Variants in DNAH8 observed in about 807,000 individuals in gnomAD.
DNAH8 encodes the protein axonemal beta dynein heavy chain 8.
In DNAH8, 382 loss-of-function variants were observed where a neutral mutation model predicts 562.1. The observed-to-expected ratio is 0.68, with a 90% CI of 0.63 to 0.74. DNAH8 has a LOEUF of 0.74. DNAH8 is among the 30% of genes least tolerant of loss of function. The pLI, the probability that DNAH8 is intolerant of heterozygous loss-of-function variation, is 0.00. For synonymous variants in DNAH8, 1,881 were observed against 1,919.4 expected (o/e 0.98, Z 0.52); for missense variants, 5,203 against 5,620.4 (o/e 0.93, Z 2.37).
chr6:39,030,650 T>A lies in DNAH8; in HGVS notation c.*258T>A, dbSNP rs1045835867. 7.7e-6 allele frequency: 3 copies of A among 390,822 alleles called. No homozygotes were observed. Among genetic ancestry groups the A allele is most frequent in the African/African-American group, 6.2e-5 (3 of 48,674 alleles). 24.2% of individuals were successfully genotyped at this position (390,822 alleles called of 1,614,324 possible). The stretch of plus-strand genomic sequence containing the variant: ...TTACTTTTTAAAGATAAAACCCTGT[T>A]TGGATGTTAGAACACTTTGGAAGCT... On this transcript the variant is annotated 3_prime_UTR_variant, in exon 93 of 93. Coordinates refer to ENST00000327475, the MANE Select transcript of DNAH8 (RefSeq NM_001206927.2).
intron 9 of DNAH8, among the ~76,000 whole-genome samples, chr6:38,752,973 G>A (rs1051132978): frequency 6.6e-6 from 1 of 152,032 alleles, no homozygotes; most frequent in African/African-American, 2.4e-5. Flanking sequence ...TACATGTGCA[G>A]GTTTGTTACA....
At chr6:38,791,266 C>A (rs950447930) in intron 20 of DNAH8, among the ~76,000 whole-genome samples, 1 of 152,160 alleles carries the variant, frequency 6.6e-6, no homozygotes, top group African/African-American at 2.4e-5. Context: ...GCCTTGGTGT[C>A]TTTAGTTGTA....
intron 76 of DNAH8, among the ~76,000 whole-genome samples, chr6:38,933,129 T>C (rs1291658722): frequency 6.6e-6 from 1 of 152,196 alleles, no homozygotes; most frequent in Non-Finnish European, 1.5e-5. Flanking sequence ...AGTTAGTCCC[T>C]TGTGGTCTAA....
rs1463546989 is a variant in DNAH8 at position 38,822,798 on chromosome 6, A to G, written c.3524-40A>G. The G allele has an allele frequency of 1.3e-5, 17 of 1,356,596 alleles. No homozygotes were observed. In the East Asian group the frequency reaches 4.0e-4, roughly 32 times the overall value. 84.0% of individuals were successfully genotyped at this position (1,356,596 alleles called of 1,614,324 possible). On this transcript the variant is annotated intron_variant, in intron 26 of 92. Coordinates refer to ENST00000327475, the MANE Select transcript of DNAH8 (RefSeq NM_001206927.2). The stretch of plus-strand genomic sequence containing the variant: ...TAAAACTGATAATATTTAAAGTTGA[A>G]TATAGAAGTTATTTATAGTGTAAAA...
intron 31 of DNAH8, among the ~76,000 whole-genome samples, 165 bp from the exon 32 acceptor site, chr6:38,834,414 A>G (rs1339670034): frequency 1.3e-5 from 2 of 152,184 alleles, no homozygotes; most frequent in African/African-American, 2.4e-5. Context: ...ATTCCATCTC[A>G]ATAAAGCTGT....
chr6:38,867,231 A>ATGTG (rs70981595), intron 47 of DNAH8, among the ~76,000 whole-genome samples: 17,856 of 148,292 alleles, frequency 0.12, 1,329 homozygotes, highest in Non-Finnish European at 0.17. Context: ...GTGTGTGTAT[A>ATGTG]TGTGTGTGTG....
At chr6:38,916,317 C>G (rs1488397918) in intron 68 of DNAH8, among the ~76,000 whole-genome samples, 1 of 152,120 alleles carries the variant, frequency 6.6e-6, no homozygotes, top group African/African-American at 2.4e-5. Context: ...CTTTCATTGC[C>G]TAATTAGAGT....
chr6:38,862,493 AT>A (rs1776711768), intron 44 of DNAH8, 35 bp downstream of exon 44: 1 of 1,563,208 alleles, frequency 6.4e-7, no homozygotes, highest in Non-Finnish European at 8.7e-7. Context: ...TTTTAGGTGA[AT>A]TTATTTTTAT....
chr6:38,990,909 CT>C (rs1466932625), intron 88 of DNAH8, among the ~76,000 whole-genome samples: 2 of 152,218 alleles, frequency 1.3e-5, no homozygotes, highest in African/African-American at 4.8e-5. Flanking sequence ...CTGCAGCCCC[CT>C]GATGAAAAGT....
chr6:38,813,891 T>TGCAATTTTCTG (rs893215972), intron 24 of DNAH8, among the ~76,000 whole-genome samples, 163 bp from the exon 25 acceptor site: 1 of 152,210 alleles, frequency 6.6e-6, no homozygotes, highest in Non-Finnish European at 1.5e-5. Context: ...TTGTATTTTC[T>TGCAATTTTCTG]TAGTTCTCTG....
intron 79 of DNAH8, among the ~76,000 whole-genome samples, chr6:38,941,774 A>G (rs1783482647): frequency 6.6e-6 from 1 of 152,172 alleles, no homozygotes; most frequent in South Asian, 2.1e-4. Flanking sequence ...GGGGGCATTG[A>G]AGCGTGCTGA....
chr6:38,719,462 C>T (rs899522627), intron 1 of DNAH8, among the ~76,000 whole-genome samples: 6 of 152,070 alleles, frequency 3.9e-5, no homozygotes, highest in Admixed American at 3.9e-4. Flanking sequence ...TTAGTCCCTA[C>T]TTATAAGTGT....
At chr6:38,923,353 A>G in intron 72 of DNAH8, 168 bp downstream of exon 72, 1 of 759,914 alleles carries the variant, frequency 1.3e-6, no homozygotes. Flanking sequence ...GATTTTGTGA[A>G]ATATTTTACA....
At chr6:38,872,509 A>C (rs1195965782) in intron 49 of DNAH8, 27 bp from the exon 50 acceptor site, 1 of 1,600,444 alleles carries the variant, frequency 6.2e-7, no homozygotes, top group South Asian at 1.1e-5. Context: ...TAAATTACAT[A>C]TTTTAATTTA....
In DNAH8 at chr6:38,923,190, G is replaced by A. The variant is rs200432206; in HGVS notation, c.10790+5G>A. 6.2e-7 allele frequency: 1 copy of A among 1,612,168 alleles called. No homozygotes were observed. Among genetic ancestry groups the A allele is most frequent in the African/African-American group, 1.3e-5 (1 of 74,882 alleles). On this transcript the variant is annotated splice_donor_5th_base_variant and intron_variant, in intron 72 of 92. Transcript: ENST00000327475. ...ATTCAAAGCTCAGATTAATAGGTGG[G>A]AATCTGGGTCTTCTTCATAATCACT...
intron 13 of DNAH8, among the ~76,000 whole-genome samples, chr6:38,776,608 AT>A (rs142910625): frequency 0.028 from 4,265 of 152,246 alleles, 203 homozygotes; most frequent in African/African-American, 0.097. Flanking sequence ...ATCAAGTGTG[AT>A]GAGATTTGAG....
intron 67 of DNAH8, 68 bp from the exon 68 acceptor site, chr6:38,915,133 C>A: frequency 7.7e-7 from 1 of 1,301,564 alleles, no homozygotes; most frequent in Non-Finnish European, 1.1e-6. Flanking sequence ...TATTTGCTCA[C>A]TATTCAGATC....
chr6:38,883,709 C>T lies in DNAH8; in HGVS notation c.8137-167C>T, dbSNP rs16891184. On this transcript the variant is annotated intron_variant, in intron 55 of 92. Transcript: ENST00000327475. ...ACTGTAATGTAAATGAAGGATAAAA[C>T]TCCAATGCCTTATTTTTAAAAATTT... Among the ~76,000 whole-genome samples, 1,566 of 152,210 alleles carry T rather than the reference C, an allele frequency of 0.01. 90 individuals carry two copies. In the East Asian group the frequency reaches 0.15, roughly 14 times the overall value.
At chr6:38,955,616 G>A (rs1366446485) in intron 82 of DNAH8, among the ~76,000 whole-genome samples, 1 of 152,144 alleles carries the variant, frequency 6.6e-6, no homozygotes, top group African/African-American at 2.4e-5. Context: ...GGGTGACAGA[G>A]TGAGACTCCA....
Sources: allele counts gnomAD v4.1 joint callset (sites outside exome capture counted in the v4.1 genomes callset), GRCh38; gene constraint gnomAD v4.1.1; transcripts MANE v1.5; gene names NCBI Gene and HGNC (gene_info 2026-07-23, HGNC 2026-07-21).